Variants in POM121C observed in about 807,000 individuals in gnomAD.
POM121C encodes the protein POM121 transmembrane nucleoporin C, also known as nuclear envelope pore membrane protein POM 121C.
POM121C carries 20 observed loss-of-function variants against 66.4 expected under a neutral mutation model. The ratio of observed to expected loss-of-function variants is 0.30; its 90% CI spans 0.21 to 0.44. The LOEUF is 0.44. POM121C is among the 20% of genes least tolerant of loss of function. The pLI, the probability that POM121C is intolerant of heterozygous loss-of-function variation, is 1.00. For missense variants in POM121C, 580 were observed against 1,225.7 expected, an observed-to-expected ratio of 0.47 and a Z score of 7.87; for synonymous variants, 286 against 528.0, an observed-to-expected ratio of 0.54 and a Z score of 6.28.
In POM121C at chr7:75,442,723, G is replaced by A. The variant is rs1450216581; in HGVS notation, c.-151-1076C>T. The stretch of plus-strand genomic sequence containing the variant: ...CCGCCGCAGCCGCCGGAGACATCGC[G>A]GCTCCGCGCCGCGGAGGAGACTTAA... On this transcript the variant is annotated intron_variant, in intron 3 of 14. Coordinates refer to ENST00000615331, the MANE Select transcript of POM121C (RefSeq NM_001099415.3). 69 of 1,359,882 alleles carry A rather than the reference G, an allele frequency of 5.1e-5. No homozygotes were observed. The East Asian group carries it at 1.4e-3, about 27-fold the overall frequency. 84.2% of individuals were successfully genotyped at this position (1,359,882 alleles called of 1,614,324 possible).
intron 1 of POM121C, among the ~76,000 whole-genome samples, chr7:75,481,093 T>C (rs1792294498): frequency 6.7e-6 from 1 of 148,668 alleles, no homozygotes; most frequent in Non-Finnish European, 1.5e-5. Context: ...AAATGATTAA[T>C]GTGGGAAAAT....
chr7:75,469,183 A>G (rs1554478286), intron 3 of POM121C, among the ~76,000 whole-genome samples: 1 of 150,828 alleles, frequency 6.6e-6, no homozygotes, highest in East Asian at 1.9e-4. Flanking sequence ...CACTGCAGCC[A>G]TGACTTCCCA....
chr7:75,455,965 T>C (rs1299333988), intron 3 of POM121C, among the ~76,000 whole-genome samples: 3 of 152,214 alleles, frequency 2.0e-5, no homozygotes, highest in Non-Finnish European at 4.4e-5. Context: ...CCAGGCGCAG[T>C]GGCTCATGCC....
In POM121C at chr7:75,441,441, C is replaced by A. The variant is rs782028615; in HGVS notation, c.56G>T (p.Arg19Leu). ...RIAPPDRRFS[R>L]SAIPEQIISS... ...CAACGATAATACTCACATCGCAGAA[C>A]GTGAAAATCTTCTGTCAGGAGGGGC... is the stretch of plus-strand genomic sequence containing the variant. Residue 19 changes from arginine (R) to leucine (L), a missense_variant, in exon 4 of 15, where the codon CGT (arginine) becomes CTT (leucine). By Grantham distance (102) the Arg-to-Leu change is moderately radical. Coordinates refer to ENST00000615331, the MANE Select transcript of POM121C (RefSeq NM_001099415.3). 3 of 1,613,894 alleles carry A rather than the reference C, an allele frequency of 1.9e-6. No individual in the cohort carries two copies. Among genetic ancestry groups the A allele is most frequent in the Non-Finnish European group, 2.5e-6 (3 of 1,179,858 alleles).
At position 75,421,047 on chromosome 7, in the gene POM121C, T is replaced by C. The variant is rs1184668361; in HGVS notation, c.2743+462A>G. On this transcript the variant is annotated intron_variant, in intron 13 of 14. Transcript: ENST00000615331. ...GAGTACAGTGTGGCATGATCTTCGC[T>C]CACTGCCACCTCCACCTCCTGGGTT... is the stretch of plus-strand genomic sequence containing the variant. The C allele has an allele frequency of 8.7e-5, 24 of 277,406 alleles. No individual in the cohort carries two copies. The Admixed American group carries it at 1.2e-3, about 14-fold the overall frequency. 17.2% of individuals were successfully genotyped at this position (277,406 alleles called of 1,614,324 possible). A position where few individuals can be genotyped will look rare whatever the true frequency, so the allele number is the denominator to read the frequency against.
intron 1 of POM121C, among the ~76,000 whole-genome samples, chr7:75,480,607 T>C (rs1178739656): frequency 1.3e-5 from 2 of 152,116 alleles, no homozygotes; most frequent in Non-Finnish European, 2.9e-5. Flanking sequence ...AGAGGTTCCA[T>C]GTAGCATTCC....
At chr7:75,450,735 C>A (rs1203992780) in intron 3 of POM121C, among the ~76,000 whole-genome samples, 1 of 152,206 alleles carries the variant, frequency 6.6e-6, no homozygotes, top group Non-Finnish European at 1.5e-5. Context: ...ACTACTACAG[C>A]CTTCAATGAT....
intron 8 of POM121C, 80 bp from the exon 9 acceptor site, chr7:75,425,788 T>C: frequency 3.2e-6 from 4 of 1,232,058 alleles, no homozygotes; most frequent in African/African-American, 1.5e-5. Flanking sequence ...CCCTCCTAAC[T>C]ACCAAGTGGC....
chr7:75,471,638 T>C (rs1791883004), intron 3 of POM121C, among the ~76,000 whole-genome samples: 2 of 152,068 alleles, frequency 1.3e-5, no homozygotes. Context: ...GATGGAAGAC[T>C]GACTTTCATC....
intron 7 of POM121C, among the ~76,000 whole-genome samples, chr7:75,432,629 G>A (rs1326355568): frequency 6.6e-6 from 1 of 152,128 alleles, no homozygotes; most frequent in Non-Finnish European, 1.5e-5. Flanking sequence ...TTGTTTTTCT[G>A]TGTATTATAC....
intron 3 of POM121C, 99 bp from the exon 4 acceptor site, chr7:75,441,746 C>G: frequency 8.6e-7 from 1 of 1,164,770 alleles, no homozygotes; most frequent in Non-Finnish European, 1.2e-6. Context: ...TTCCAAAGAA[C>G]TTAAATCTCT....
chr7:75,451,894 C>T (rs1231883982), intron 3 of POM121C, among the ~76,000 whole-genome samples: 2 of 151,296 alleles, frequency 1.3e-5, no homozygotes, highest in Non-Finnish European at 2.9e-5. Context: ...GCGCCAGGCA[C>T]GATGGCTCAC....
chr7:75,454,242 A>G (rs1463794622), intron 3 of POM121C, among the ~76,000 whole-genome samples: 1,313 of 133,774 alleles, frequency 9.8e-3, no homozygotes, highest in African/African-American at 0.024. Context: ...ATGGAAGCGC[A>G]GGATGGGGAT....
chr7:75,481,348 T>C (rs1454601818), intron 1 of POM121C, among the ~76,000 whole-genome samples: 1 of 151,884 alleles, frequency 6.6e-6, no homozygotes, highest in Non-Finnish European at 1.5e-5. Flanking sequence ...TGGCCAAAGA[T>C]GGAACCACTT....
At chr7:75,468,026 A>C (rs1242170836) in intron 3 of POM121C, among the ~76,000 whole-genome samples, 1 of 149,402 alleles carries the variant, frequency 6.7e-6, no homozygotes. Flanking sequence ...CCAGCTACTC[A>C]GGGGCTGAGG....
At chr7:75,460,698 G>C (rs1313706581) in intron 3 of POM121C, among the ~76,000 whole-genome samples, 1 of 152,076 alleles carries the variant, frequency 6.6e-6, no homozygotes, top group Admixed American at 6.6e-5. Flanking sequence ...TGATCTTCAC[G>C]AGTGAGTGGC....
At chr7:75,436,218 AG>A (rs1422680424) in intron 7 of POM121C, among the ~76,000 whole-genome samples, 3 of 152,184 alleles carry the variant, frequency 2.0e-5, no homozygotes, top group Non-Finnish European at 2.9e-5. Context: ...CTCTTTCTAG[AG>A]GATCTGTCTA....
chr7:75,478,312 T>C (rs1283443547), intron 1 of POM121C, among the ~76,000 whole-genome samples: 1 of 152,152 alleles, frequency 6.6e-6, no homozygotes, highest in Non-Finnish European at 1.5e-5. Flanking sequence ...AGTAGAGTTA[T>C]CTATGAGTGA....
In POM121C at chr7:75,471,587, C is replaced by T. The variant is rs587692866; in HGVS notation, c.-152+3117G>A. Among the ~76,000 whole-genome samples, 487 of 152,084 alleles carry T rather than the reference C, an allele frequency of 3.2e-3. 3 individuals carry two copies. The highest frequency in any genetic ancestry group is 9.5e-3 in the African/African-American group (393 of 41,504). ...AGAACTTTGGGGAACAGAGACACGG[C>T]GCCGAGTTGAGCAGAAACCAGGGCA... On this transcript the variant is annotated intron_variant, in intron 3 of 14. Transcript: ENST00000615331.
Sources: allele counts gnomAD v4.1 joint callset (sites outside exome capture counted in the v4.1 genomes callset), GRCh38; gene constraint gnomAD v4.1.1; transcripts MANE v1.5; gene names NCBI Gene and HGNC (gene_info 2026-07-23, HGNC 2026-07-21).